The following ZNF813 variants were observed in gnomAD, a reference collection of about 807,000 sequenced individuals.
The protein encoded by ZNF813 is zinc finger protein 813.
In ZNF813, 3 loss-of-function variants were observed where a neutral mutation model predicts 7.2. The observed-to-expected ratio is 0.42, with a 90% confidence interval of 0.19 to 1.08. ZNF813 has a LOEUF of 1.08. ZNF813 is among the 50% of genes least tolerant of loss of function. ZNF813 has a pLI of 0.30. For missense variants in ZNF813, 714 were observed against 753.3 expected (o/e 0.95, Z 0.61); for synonymous variants, 227 against 256.3 (o/e 0.89, Z 1.09).
chr19:53,472,778 A>C (rs1044534628), intron 1 of ZNF813, among the ~76,000 whole-genome samples: 70 of 151,812 alleles, frequency 4.6e-4, no homozygotes, highest in African/African-American at 1.6e-3. Context: ...ATGCCTGGTT[A>C]ATTTTGTATT....
At position 53,491,225 on chromosome 19, in the gene ZNF813, A is replaced by G. The variant is rs747741618; in HGVS notation, c.993A>G (p.Glu331=). 1.2e-5 allele frequency: 19 copies of G among 1,613,542 alleles called. No homozygotes were observed. The highest frequency in any genetic ancestry group is 3.3e-4 in the Middle Eastern group (2 of 6,080). Residue 331 remains glutamate, a synonymous_variant, in exon 4 of 4, where the codon GAA becomes GAG. Coordinates refer to ENST00000396403, the MANE Select transcript of ZNF813 (RefSeq NM_001004301.4). ...HAGEKPYKCN[E]CGKTFSQTSS... ...GAGAAAAACCATACAAGTGTAATGAATGTGGCAAGACCTTTAGTCAGACGT... is the reference window on the plus strand; with the variant it reads ...GAGAAAAACCATACAAGTGTAATGAGTGTGGCAAGACCTTTAGTCAGACGT...
intron 3 of ZNF813, 144 bp downstream of exon 3, chr19:53,486,902 G>C: frequency 6.7e-7 from 1 of 1,493,216 alleles, no homozygotes; most frequent in South Asian, 1.4e-5. Context: ...TTGAATTCCT[G>C]GGCTCAAGTG....
chr19:53,490,400 G>A lies in ZNF813; in HGVS notation c.168G>A (p.Lys56=), dbSNP rs771658953. Residue 56 remains lysine, a synonymous_variant, in exon 4 of 4, where the codon AAG becomes AAA. Transcript: ENST00000396403. Reference sequence around the variant, plus strand: ...ATATCTCTTCCAAATGCATGATGAAGGAGTTCTCATCAACAGCACAAGGCA... The same window carrying A: ...ATATCTCTTCCAAATGCATGATGAAAGAGTTCTCATCAACAGCACAAGGCA... ...SLDISSKCMM[K]EFSSTAQGNR... 8.1e-6 allele frequency: 13 copies of A among 1,613,946 alleles called. No individual in the cohort carries two copies. The Middle Eastern group carries it at 4.9e-4, about 61-fold the overall frequency.
In ZNF813 at chr19:53,486,059, C is replaced by A. The variant is rs539832517; in HGVS notation, c.16-573C>A. The stretch of plus-strand genomic sequence containing the variant: ...GATAACAGGCGTGTGCCACCATGCC[C>A]AGCTGGATTTTAGTTTCTGATCTTT... On this transcript the variant is annotated intron_variant, in intron 2 of 3. Coordinates refer to ENST00000396403, the MANE Select transcript of ZNF813 (RefSeq NM_001004301.4). Among the ~76,000 whole-genome samples the A allele has an allele frequency of 6.6e-5, 10 of 152,204 alleles. No homozygotes were observed. The East Asian group carries it at 1.9e-3, about 29-fold the overall frequency.
At chr19:53,482,049 A>G (rs1383026117) in intron 1 of ZNF813, among the ~76,000 whole-genome samples, 2 of 152,180 alleles carry the variant, frequency 1.3e-5, no homozygotes, top group Non-Finnish European at 2.9e-5. Context: ...GAGGGGCTAG[A>G]CCAGAAAAGC....
At chr19:53,468,227 C>A (rs185043088) in intron 1 of ZNF813, among the ~76,000 whole-genome samples, 2 of 125,658 alleles carry the variant, frequency 1.6e-5, no homozygotes, top group African/African-American at 5.8e-5. Context: ...GCGCCCCCCC[C>A]CCCCCACCTC....
Position 53,491,724 on chromosome 19 carries a change from A to G in ZNF813, c.1492A>G (p.Asn498Asp), listed in dbSNP as rs1394253406. The change falls in exon 4 of 4, where the codon AAT becomes GAT. Residue 498 changes from asparagine to aspartate, a missense_variant. Transcript: ENST00000396403. Reference protein sequence around the residue: ...IHTGEKPYKCNECGKGFNRKT... With the variant: ...IHTGEKPYKCDECGKGFNRKT... ...TACTGGAGAGAAACCTTACAAGTGTAATGAATGTGGCAAGGGTTTTAATCG... is the reference window on the plus strand; with the variant it reads ...TACTGGAGAGAAACCTTACAAGTGTGATGAATGTGGCAAGGGTTTTAATCG... The G allele has an allele frequency of 6.4e-7, 1 of 1,573,640 alleles. No individual in the cohort carries two copies. The highest frequency in any genetic ancestry group is 8.7e-7 in the Non-Finnish European group (1 of 1,149,964).
intron 1 of ZNF813, among the ~76,000 whole-genome samples, chr19:53,474,275 G>A (rs2086372263): frequency 6.6e-6 from 1 of 152,226 alleles, no homozygotes; most frequent in South Asian, 2.1e-4. Context: ...CACAAGGCAT[G>A]GCTCCTGCTT....
chr19:53,474,496 G>A (rs2086373262), intron 1 of ZNF813, among the ~76,000 whole-genome samples: 1 of 152,092 alleles, frequency 6.6e-6, no homozygotes, highest in African/African-American at 2.4e-5. Context: ...AGACCAGTAT[G>A]AGCAACATGG....
At position 53,491,415 on chromosome 19, in the gene ZNF813, G is replaced by A. The variant is rs1200907465; in HGVS notation, c.1183G>A (p.Glu395Lys). ...CNECGKTFSQ[E>K]LTLKCHRRLH... is the part of the protein sequence containing the mutation. ...TGAATGTGGCAAGACCTTCAGTCAGGAGTTAACCCTTAAATGCCATCGTAG... is the reference window on the plus strand; with the variant it reads ...TGAATGTGGCAAGACCTTCAGTCAGAAGTTAACCCTTAAATGCCATCGTAG... Residue 395 changes from glutamate to lysine, a missense_variant, in exon 4 of 4, where the codon GAG (glutamate) becomes AAG (lysine). Around this residue, in one of 3 missense-constraint regions of ZNF813, gnomAD observed 563 missense variants for 554.2 expected, o/e 1.02. Transcript: ENST00000396403. 1 of 1,611,480 alleles carries A rather than the reference G, an allele frequency of 6.2e-7. No homozygotes were observed. Among genetic ancestry groups the A allele is most frequent in the Admixed American group, 1.7e-5 (1 of 59,796 alleles).
chr19:53,477,793 C>T (rs909560021), intron 1 of ZNF813, among the ~76,000 whole-genome samples: 1 of 152,168 alleles, frequency 6.6e-6, no homozygotes, highest in Non-Finnish European at 1.5e-5. Flanking sequence ...TGCCCTCCAG[C>T]CTGGTCAACA....
In ZNF813 at chr19:53,490,515, C is replaced by G; in HGVS notation, c.283C>G (p.His95Asp). ...FRFQEIDKDI[H>D]NLEFQWQEDE... ...CTTTCAGGAAATTGATAAAGATATTCATAACTTAGAGTTTCAGTGGCAAGA... is the reference window on the plus strand; with the variant it reads ...CTTTCAGGAAATTGATAAAGATATTGATAACTTAGAGTTTCAGTGGCAAGA... The change falls in exon 4 of 4, where the codon CAT becomes GAT. Residue 95 changes from histidine to aspartate, a missense_variant. Physicochemically the swap from His to Asp is moderately conservative, Grantham distance 81 (BLOSUM62 -1). This residue lies in a region of ZNF813 where 563 missense variants were observed against 554.2 expected (regional missense o/e 1.02). Transcript: ENST00000396403. 3 of 1,614,106 alleles carry G rather than the reference C, an allele frequency of 1.9e-6. No homozygotes were observed. The South Asian group carries it at 3.3e-5, about 18-fold the overall frequency.
chr19:53,471,242 G>T (rs548531767), intron 1 of ZNF813, among the ~76,000 whole-genome samples: 2 of 151,994 alleles, frequency 1.3e-5, no homozygotes, highest in Non-Finnish European at 2.9e-5. Flanking sequence ...GGCAACTGTC[G>T]GTAGGCCCTT....
intron 1 of ZNF813, among the ~76,000 whole-genome samples, chr19:53,474,683 A>C (rs751847079): frequency 6.6e-5 from 10 of 151,032 alleles, no homozygotes; most frequent in Non-Finnish European, 1.2e-4. Flanking sequence ...AGCGAGACTC[A>C]ATCTCAAAAA....
intron 3 of ZNF813, among the ~76,000 whole-genome samples, chr19:53,488,832 A>G (rs2086446320): frequency 6.6e-6 from 1 of 152,100 alleles, no homozygotes; most frequent in Non-Finnish European, 1.5e-5. Context: ...TGGTATATAG[A>G]AGTTGTGGCT....
rs188649321 is a variant in ZNF813 at position 53,492,174 on chromosome 19, C to G, written c.*88C>G. On this transcript the variant is annotated 3_prime_UTR_variant, in exon 4 of 4. Coordinates refer to ENST00000396403, the MANE Select transcript of ZNF813 (RefSeq NM_001004301.4). ...GCAAGACCTTCTGTCACAATTCAGT[C>G]CTTGTAATTCATAAGAATTCATACT... The G allele has an allele frequency of 6.3e-5, 96 of 1,519,564 alleles. No individual in the cohort carries two copies. The highest frequency in any genetic ancestry group is 3.5e-4 in the Middle Eastern group (2 of 5,752). 94.1% of individuals were successfully genotyped at this position (1,519,564 alleles called of 1,614,324 possible).
chr19:53,470,306 T>G (rs2086352250), intron 1 of ZNF813, among the ~76,000 whole-genome samples: 1 of 152,206 alleles, frequency 6.6e-6, no homozygotes, highest in South Asian at 2.1e-4. Context: ...GGAAAACTTG[T>G]TCTTCTCTTT....
chr19:53,488,015 TATTC>T (rs957759520), intron 3 of ZNF813, among the ~76,000 whole-genome samples: 5 of 152,218 alleles, frequency 3.3e-5, no homozygotes, highest in Non-Finnish European at 7.3e-5. Context: ...TTTATTTGCC[TATTC>T]ATTTATTTAT....
At chr19:53,490,341 G>A (rs1365292362) in intron 3 of ZNF813, 34 bp from the exon 4 acceptor site, 1 of 1,609,402 alleles carries the variant, frequency 6.2e-7, no homozygotes, top group Non-Finnish European at 8.5e-7. Context: ...CATCTGTACT[G>A]AACTGGAAAC....
Sources: gnomAD v4.1 joint callset for allele counts (sites outside exome capture counted in the v4.1 genomes callset) on GRCh38, gnomAD v4.1.1 for gene constraint, gnomAD v4.1.1 regional missense constraint, MANE v1.5 for transcripts, NCBI Gene and HGNC (gene_info 2026-07-23, HGNC 2026-07-21) for gene names.